The following CFAP299 variants were observed in gnomAD, a reference collection of about 807,000 sequenced individuals.
The protein encoded by CFAP299 is cilia and flagella associated protein 299.
CFAP299 carries 21 observed loss-of-function variants against 27.0 expected under a neutral mutation model. The observed-to-expected ratio is 0.78, with a 90% CI of 0.55 to 1.12. The LOEUF (loss-of-function observed/expected upper bound fraction) is 1.12. CFAP299 is among the 50% of genes most tolerant of loss of function. CFAP299 has a pLI of 0.00. For missense variants in CFAP299, 310 were observed against 276.6 expected (o/e 1.12, Z -0.86); for synonymous variants, 104 against 98.1 (o/e 1.06, Z -0.36).
At chr4:80,618,317 G>A (rs963081478) in intron 3 of CFAP299, among the ~76,000 whole-genome samples, 16 of 152,100 alleles carry the variant, frequency 1.1e-4, no homozygotes, top group African/African-American at 3.4e-4. Flanking sequence ...TCTACAATGT[G>A]TAAAAATTTT....
At chr4:80,963,456 A>AT (rs11452353) in intron 5 of CFAP299, 61 bp from the exon 6 acceptor site, 1,080,375 of 1,098,926 alleles carry the variant, frequency 0.98, 531,209 homozygotes, top group East Asian at 0.99. Context: ...TAAAAAAAAA[A>AT]TTTTAAAAAA....
At chr4:80,816,654 A>G (rs1341798263) in intron 3 of CFAP299, among the ~76,000 whole-genome samples, 2 of 152,126 alleles carry the variant, frequency 1.3e-5, no homozygotes, top group Non-Finnish European at 2.9e-5. Context: ...GGAAAAATTG[A>G]TAAATTCAAG....
At chr4:80,585,934 G>C (rs1736413655) in intron 3 of CFAP299, among the ~76,000 whole-genome samples, 1 of 152,138 alleles carries the variant, frequency 6.6e-6, no homozygotes, top group African/African-American at 2.4e-5. Flanking sequence ...AAGAAATAGT[G>C]ATTTGTAGGA....
At chr4:80,711,290 A>T (rs1282259507) in intron 3 of CFAP299, among the ~76,000 whole-genome samples, 2 of 152,208 alleles carry the variant, frequency 1.3e-5, no homozygotes, top group Non-Finnish European at 2.9e-5. Context: ...GAACAGTGTG[A>T]GAGAGCTAGT....
intron 3 of CFAP299, among the ~76,000 whole-genome samples, chr4:80,765,815 A>G (rs1725830378): frequency 6.6e-6 from 1 of 152,152 alleles, no homozygotes; most frequent in Admixed American, 6.5e-5. Flanking sequence ...AAATAACATT[A>G]AACAAACTAA....
chr4:80,394,373 T>C (rs935262252), intron 2 of CFAP299, among the ~76,000 whole-genome samples: 3 of 152,020 alleles, frequency 2.0e-5, no homozygotes, highest in African/African-American at 7.2e-5. Context: ...AATTTTTCTC[T>C]CATTCTGTAG....
intron 2 of CFAP299, among the ~76,000 whole-genome samples, chr4:80,509,541 C>T (rs2110161625): frequency 6.6e-6 from 1 of 152,192 alleles, no homozygotes; most frequent in East Asian, 1.9e-4. Flanking sequence ...GAATCTTGAC[C>T]TCTGAGTGTG....
chr4:80,936,732 C>A (rs1560483967), intron 4 of CFAP299, among the ~76,000 whole-genome samples: 1 of 151,742 alleles, frequency 6.6e-6, no homozygotes, highest in Non-Finnish European at 1.5e-5. Flanking sequence ...CAACAAACAC[C>A]CATAACGTGA....
chr4:80,518,705 A>G (rs191102144), intron 2 of CFAP299, among the ~76,000 whole-genome samples: 4 of 152,272 alleles, frequency 2.6e-5, no homozygotes, highest in African/African-American at 9.6e-5. Context: ...GAGCAGGGAA[A>G]GATAACAGGA....
At chr4:80,575,864 T>G (rs1735827398) in intron 2 of CFAP299, among the ~76,000 whole-genome samples, 1 of 152,128 alleles carries the variant, frequency 6.6e-6, no homozygotes, top group Non-Finnish European at 1.5e-5. Flanking sequence ...TATTTTTAAA[T>G]GATGAGTTCA....
rs34748902 is a variant in CFAP299 at position 80,679,742 on chromosome 4, G to GT, written c.333+96573dup. The stretch of plus-strand genomic sequence containing the variant: ...ATTTTAGTGAATAATCTGTGTGTGG[G>GT]TTTTTTTTTTTTTTGCTTTGTTTTT... On this transcript the variant is annotated intron_variant, in intron 3 of 5. Transcript: ENST00000358105. 9.1e-4 allele frequency among the ~76,000 whole-genome samples: 124 copies of GT among 135,622 alleles called. 1 individual carries two copies. Among genetic ancestry groups the GT allele is most frequent in the African/African-American group, 2.6e-3 (98 of 37,556 alleles). The allele number at this position is 135,622 out of a possible 152,430, so 89.0% of individuals were successfully genotyped here.
At chr4:80,619,708 C>T (rs1738474889) in intron 3 of CFAP299, among the ~76,000 whole-genome samples, 1 of 152,016 alleles carries the variant, frequency 6.6e-6, no homozygotes, top group Admixed American at 6.6e-5. Context: ...TTGTGATTTC[C>T]AGGCACCTAT....
At position 80,844,901 on chromosome 4, in the gene CFAP299, G is replaced by A. The variant is rs565580249; in HGVS notation, c.334-25092G>A. On this transcript the variant is annotated intron_variant, in intron 3 of 5. Coordinates refer to ENST00000358105, the MANE Select transcript of CFAP299 (RefSeq NM_152770.3). ...TTATGGTTTTAGGTCTAACATGTAAGCCTTTAATCCATCTTGAATTAATTT... is the reference window on the plus strand; with the variant it reads ...TTATGGTTTTAGGTCTAACATGTAAACCTTTAATCCATCTTGAATTAATTT... Among the ~76,000 whole-genome samples, 4 of 152,288 alleles carry A rather than the reference G, an allele frequency of 2.6e-5. No individual in the cohort carries two copies. The South Asian group carries it at 6.2e-4, about 24-fold the overall frequency.
chr4:80,859,431 G>T (rs1732164212), intron 3 of CFAP299, among the ~76,000 whole-genome samples: 2 of 151,836 alleles, frequency 1.3e-5, no homozygotes, highest in Non-Finnish European at 2.9e-5. Context: ...ATATTGTTAT[G>T]TGTGAATTTG....
chr4:80,786,922 C>T (rs1293229909), intron 3 of CFAP299, among the ~76,000 whole-genome samples: 1 of 151,920 alleles, frequency 6.6e-6, no homozygotes, highest in African/African-American at 2.4e-5. Flanking sequence ...TGTAATCATT[C>T]CCTGTTCAAA....
intron 2 of CFAP299, among the ~76,000 whole-genome samples, chr4:80,448,099 A>G (rs562063878): frequency 3.3e-5 from 5 of 152,322 alleles, no homozygotes; most frequent in African/African-American, 1.2e-4. Flanking sequence ...CTCTCTGCTC[A>G]GATTACCCCA....
At chr4:80,347,457 C>A (rs1016160429) in intron 1 of CFAP299, among the ~76,000 whole-genome samples, 2 of 152,030 alleles carry the variant, frequency 1.3e-5, no homozygotes, top group Non-Finnish European at 2.9e-5. Flanking sequence ...AAGCAATGTG[C>A]AAAATTGCTA....
At chr4:80,482,096 A>G (rs1381989775) in intron 2 of CFAP299, among the ~76,000 whole-genome samples, 2 of 151,998 alleles carry the variant, frequency 1.3e-5, no homozygotes, top group South Asian at 2.1e-4. Flanking sequence ...AAGTGGCTCT[A>G]TAACTGCACA....
chr4:80,800,149 T>TA (rs1235303536), intron 3 of CFAP299, among the ~76,000 whole-genome samples: 1 of 71,544 alleles, frequency 1.4e-5, no homozygotes, highest in Non-Finnish European at 2.3e-5. Flanking sequence ...ATAAATATAT[T>TA]TATATAATAT....
Sources: gnomAD v4.1 joint callset for allele counts (sites outside exome capture counted in the v4.1 genomes callset) on GRCh38, gnomAD v4.1.1 for gene constraint, MANE v1.5 for transcripts, NCBI Gene and HGNC (gene_info 2026-07-23, HGNC 2026-07-21) for gene names.